The following UNC13C variants were observed in gnomAD, a reference collection of about 807,000 sequenced individuals.
The protein encoded by UNC13C is protein unc-13 homolog C.
In UNC13C, 174 loss-of-function variants were observed where a neutral mutation model predicts 245.4. The ratio of observed to expected loss-of-function variants is 0.71; its 90% confidence interval spans 0.63 to 0.80. The LOEUF is 0.80. UNC13C is among the 30% of genes least tolerant of loss of function. The pLI is 0.00. For missense variants in UNC13C, 2,829 were observed against 2,602.9 expected (o/e 1.09, Z -1.89); for synonymous variants, 992 against 895.1 (o/e 1.11, Z -1.93).
intron 17 of UNC13C, among the ~76,000 whole-genome samples, chr15:54,350,313 T>C (rs1302873323): frequency 6.6e-6 from 1 of 152,062 alleles, no homozygotes; most frequent in East Asian, 1.9e-4. Flanking sequence ...TTTAGATAAA[T>C]ACACAAAACA....
At chr15:54,332,427 G>C (rs1160689703) in intron 15 of UNC13C, among the ~76,000 whole-genome samples, 1 of 151,566 alleles carries the variant, frequency 6.6e-6, no homozygotes, top group Non-Finnish European at 1.5e-5. Context: ...AGTAGACTAT[G>C]GCCCAGTCCT....
At chr15:53,868,123 C>A in the UNC13C span, among the ~76,000 whole-genome samples, 1 of 152,184 alleles carries the variant, frequency 6.6e-6, no homozygotes, top group African/African-American at 2.4e-5. Flanking sequence ...ACATAAGCCA[C>A]CATTCCTGGC....
intron 17 of UNC13C, among the ~76,000 whole-genome samples, chr15:54,355,278 A>C (rs559799591): frequency 1.7e-3 from 260 of 152,336 alleles, no homozygotes; most frequent in African/African-American, 6.1e-3. Flanking sequence ...AGCAAGAATT[A>C]GAATTATTTC....
chr15:54,398,877 A>T (rs2040123983), intron 18 of UNC13C, among the ~76,000 whole-genome samples: 1 of 151,470 alleles, frequency 6.6e-6, no homozygotes, highest in South Asian at 2.1e-4. Context: ...CTGAACGTTT[A>T]TAAATTTTAC....
At chr15:54,137,323 CT>C (rs1388062583) in intron 2 of UNC13C, among the ~76,000 whole-genome samples, 1 of 152,102 alleles carries the variant, frequency 6.6e-6, no homozygotes, top group African/African-American at 2.4e-5. Flanking sequence ...TTGTAGAATC[CT>C]TGTCTGGCTT....
the UNC13C span, among the ~76,000 whole-genome samples, chr15:53,935,863 G>A: frequency 2.6e-5 from 4 of 152,162 alleles, no homozygotes; most frequent in Non-Finnish European, 5.9e-5. Flanking sequence ...TGGGTCCAAA[G>A]CACAGAGATG....
chr15:54,422,554 C>T (rs745316110), intron 19 of UNC13C, among the ~76,000 whole-genome samples: 6 of 151,938 alleles, frequency 3.9e-5, no homozygotes, highest in Non-Finnish European at 7.4e-5. Context: ...ACCTCATTCA[C>T]GTTCCTCTCA....
chr15:54,498,588 A>C (rs1391784203), intron 20 of UNC13C, among the ~76,000 whole-genome samples: 1 of 152,190 alleles, frequency 6.6e-6, no homozygotes, highest in East Asian at 1.9e-4. Flanking sequence ...AGTGTGGTCT[A>C]TTTAAAACTT....
intron 7 of UNC13C, among the ~76,000 whole-genome samples, chr15:54,242,295 T>C (rs1329115888): frequency 2.6e-5 from 4 of 152,178 alleles, no homozygotes; most frequent in Admixed American, 6.5e-5. Context: ...TTGAGAGTAA[T>C]TTTTTGACTG....
the UNC13C span, among the ~76,000 whole-genome samples, chr15:53,909,377 A>C: frequency 6.8e-6 from 1 of 146,846 alleles, no homozygotes; most frequent in Non-Finnish European, 1.5e-5. Flanking sequence ...TAACCCCTGA[A>C]GCACCAAGAC....
At position 54,005,906 on chromosome 15, in the gene UNC13C, G is replaced by A. The variant is rs549593221; in HGVS notation, c.-256-6742G>A. 5.3e-5 allele frequency among the ~76,000 whole-genome samples: 8 copies of A among 152,264 alleles called. No homozygotes were observed. The South Asian group carries it at 1.5e-3, about 28-fold the overall frequency. Reference sequence around the variant, plus strand: ...ATGATATTTAAGGGAAATTAGATGGGATATTTAAGGGAAATTAAATCAATG... The same window carrying A: ...ATGATATTTAAGGGAAATTAGATGGAATATTTAAGGGAAATTAAATCAATG... On this transcript the variant is annotated intron_variant, in intron 1 of 32. Transcript: ENST00000260323.
At chr15:54,345,554 C>T (rs2038840869) in intron 17 of UNC13C, among the ~76,000 whole-genome samples, 1 of 152,186 alleles carries the variant, frequency 6.6e-6, no homozygotes, top group Non-Finnish European at 1.5e-5. Context: ...GAAGGGCTGC[C>T]TAGTCAGCCT....
chr15:54,416,714 T>C (rs1261869077), intron 19 of UNC13C, among the ~76,000 whole-genome samples: 2 of 152,148 alleles, frequency 1.3e-5, no homozygotes, highest in East Asian at 3.9e-4. Context: ...CCACCCTACT[T>C]GAAAGTCTAT....
At chr15:54,182,500 G>T (rs1261920039) in intron 4 of UNC13C, among the ~76,000 whole-genome samples, 2 of 151,952 alleles carry the variant, frequency 1.3e-5, no homozygotes, top group Admixed American at 1.3e-4. Context: ...GCCAGGTTTT[G>T]GTATCAGGGT....
At position 54,322,078 on chromosome 15, in the gene UNC13C, G is replaced by T. The variant is rs371399964; in HGVS notation, c.4408G>T (p.Ala1470Ser). ...ACAGGTTTCTGCCTCAGATCGATTT[G>T]CTGCTACCAACTTTGGTGTAAGTAT... ...NIQVSASDRF[A>S]ATNFGREKFI... The change falls in exon 14 of 33, where the codon GCT (alanine) becomes TCT (serine). Residue 1470 changes from alanine to serine, a missense_variant. Ala to Ser is a moderately conservative substitution (Grantham distance 99). Coordinates refer to ENST00000260323, the MANE Select transcript of UNC13C (RefSeq NM_001080534.3). 175 of 1,577,962 alleles carry T rather than the reference G, an allele frequency of 1.1e-4. No individual in the cohort carries two copies. Among genetic ancestry groups the T allele is most frequent in the Non-Finnish European group, 1.5e-4 (171 of 1,162,176 alleles).
chr15:53,954,154 A>G, the UNC13C span, among the ~76,000 whole-genome samples: 6 of 152,318 alleles, frequency 3.9e-5, no homozygotes, highest in South Asian at 6.2e-4. Context: ...CCAATTTTAC[A>G]TACAGAATCT....
chr15:54,413,807 ACT>A (rs1323456499), intron 18 of UNC13C, among the ~76,000 whole-genome samples: 1 of 152,102 alleles, frequency 6.6e-6, no homozygotes, highest in Non-Finnish European at 1.5e-5. Context: ...ACAGGATTAT[ACT>A]CTTTTTTTAT....
At chr15:53,921,220 G>C in the UNC13C span, among the ~76,000 whole-genome samples, 1 of 152,092 alleles carries the variant, frequency 6.6e-6, no homozygotes, top group Admixed American at 6.6e-5. Flanking sequence ...TGGGAGAATT[G>C]AATCAATGTC....
At chr15:54,295,840 C>T (rs1473195418) in intron 11 of UNC13C, among the ~76,000 whole-genome samples, 1 of 152,046 alleles carries the variant, frequency 6.6e-6, no homozygotes, top group Non-Finnish European at 1.5e-5. Context: ...CTTTACCTAC[C>T]CACCCTCAGT....
Sources: gnomAD v4.1 joint callset for allele counts (sites outside exome capture counted in the v4.1 genomes callset) on GRCh38, gnomAD v4.1.1 for gene constraint, MANE v1.5 for transcripts, NCBI Gene and HGNC (gene_info 2026-07-23, HGNC 2026-07-21) for gene names.